Variants in HEMK2 observed in about 807,000 individuals in gnomAD.
HEMK2 encodes HemK methyltransferase 2, ETF1 glutamine and histone H4 lysine, also known as methyltransferase HEMK2.
At chr21:28,831,734 GGAAAGAAA>G in the HEMK2 span, among the ~76,000 whole-genome samples, 18 of 13,656 alleles carry the variant, frequency 1.3e-3, 1 homozygote, top group African/African-American at 5.0e-3. Context: ...AAGGAAGGAA[GGAAAGAAA>G]GAAAGAAAGA....
chr21:28,665,371 CTTTTT>C, the HEMK2 span, among the ~76,000 whole-genome samples: 3 of 15,914 alleles, frequency 1.9e-4, no homozygotes, highest in African/African-American at 7.0e-4. Flanking sequence ...TTTTAATTTT[CTTTTT>C]TTTTTTTTTA....
chr21:28,618,972 G>A, the HEMK2 span, among the ~76,000 whole-genome samples: 1 of 152,068 alleles, frequency 6.6e-6, no homozygotes, highest in Admixed American at 6.6e-5. Flanking sequence ...TTGGAGAGAG[G>A]GTCTTTACAA....
At chr21:28,877,520 AAAG>A in the HEMK2 span, among the ~76,000 whole-genome samples, 28 of 144,142 alleles carry the variant, frequency 1.9e-4, no homozygotes, top group African/African-American at 4.7e-4. Flanking sequence ...CAGAAGGAAA[AAAG>A]AAAAGAGAAG....
At chr21:28,613,492 G>A in the HEMK2 span, among the ~76,000 whole-genome samples, 1 of 151,964 alleles carries the variant, frequency 6.6e-6, no homozygotes, top group African/African-American at 2.4e-5. Context: ...CCACACTATA[G>A]ATGGGGAAAC....
the HEMK2 span, among the ~76,000 whole-genome samples, chr21:28,678,862 C>T: frequency 6.6e-6 from 1 of 152,146 alleles, no homozygotes; most frequent in African/African-American, 2.4e-5. Flanking sequence ...TTTGTTACCA[C>T]CAGGCCTGCC....
the HEMK2 span, chr21:28,671,054 G>C: frequency 6.6e-6 from 1 of 152,182 alleles, no homozygotes; most frequent in African/African-American, 2.4e-5. Context: ...TTGCACTCTG[G>C]GCTTTTGGGC....
the HEMK2 span, chr21:28,882,282 T>C: frequency 6.5e-7 from 1 of 1,535,852 alleles, no homozygotes; most frequent in South Asian, 1.1e-5. Context: ...AACTATATCC[T>C]ATGTCCATAA....
chr21:28,832,256 G>A, the HEMK2 span, among the ~76,000 whole-genome samples: 1 of 152,168 alleles, frequency 6.6e-6, no homozygotes, highest in Admixed American at 6.5e-5. Flanking sequence ...GTACAAAGAG[G>A]CACAGTCATG....
At chr21:28,795,999 G>A in the HEMK2 span, among the ~76,000 whole-genome samples, 1 of 152,158 alleles carries the variant, frequency 6.6e-6, no homozygotes, top group East Asian at 1.9e-4. Context: ...GTGTCCCAGG[G>A]GGCCTTGTGC....
chr21:28,788,184 A>G, the HEMK2 span, among the ~76,000 whole-genome samples: 13 of 149,818 alleles, frequency 8.7e-5, no homozygotes, highest in African/African-American at 2.2e-4. Flanking sequence ...ATATATACAC[A>G]TATATACGTA....
the HEMK2 span, among the ~76,000 whole-genome samples, chr21:28,746,386 A>C: frequency 0.27 from 41,610 of 152,082 alleles, 6,090 homozygotes; most frequent in East Asian, 0.53. Context: ...AATGACATAA[A>C]GCATAGACAT....
At chr21:28,660,176 A>G in the HEMK2 span, among the ~76,000 whole-genome samples, 1 of 151,922 alleles carries the variant, frequency 6.6e-6, no homozygotes, top group Non-Finnish European at 1.5e-5. Context: ...TAAACTCACA[A>G]ATCAATTCTC....
At chr21:28,785,414 C>G in the HEMK2 span, among the ~76,000 whole-genome samples, 1 of 152,164 alleles carries the variant, frequency 6.6e-6, no homozygotes, top group Admixed American at 6.5e-5. Flanking sequence ...TGTTCCTTAA[C>G]ACAGCATTTT....
At chr21:28,618,237 C>A in the HEMK2 span, among the ~76,000 whole-genome samples, 11 of 152,166 alleles carry the variant, frequency 7.2e-5, no homozygotes, top group Admixed American at 5.9e-4. Context: ...AATTTCAAAT[C>A]CCTCATAGCT....
chr21:28,746,970 T>C, the HEMK2 span, among the ~76,000 whole-genome samples: 1 of 152,188 alleles, frequency 6.6e-6, no homozygotes, highest in African/African-American at 2.4e-5. Flanking sequence ...GGCTGCTCCA[T>C]GGAGACAGGA....
At chr21:28,618,115 A>G in the HEMK2 span, among the ~76,000 whole-genome samples, 1 of 152,198 alleles carries the variant, frequency 6.6e-6, no homozygotes, top group South Asian at 2.1e-4. Context: ...TAAAAGAATA[A>G]CAAGACAAAC....
At chr21:28,632,081 T>C in the HEMK2 span, among the ~76,000 whole-genome samples, 35 of 152,224 alleles carry the variant, frequency 2.3e-4, no homozygotes, top group African/African-American at 8.4e-4. Context: ...AGTCAATATC[T>C]TACTGAAGTA....
At chr21:28,810,663 T>C in the HEMK2 span, among the ~76,000 whole-genome samples, 1 of 152,218 alleles carries the variant, frequency 6.6e-6, no homozygotes, top group African/African-American at 2.4e-5. Context: ...GGCAAGGATA[T>C]TGCTGAAAAC....
the HEMK2 span, among the ~76,000 whole-genome samples, chr21:28,725,782 T>A: frequency 6.6e-6 from 1 of 152,226 alleles, no homozygotes; most frequent in African/African-American, 2.4e-5. Flanking sequence ...ACTCATCTAT[T>A]CCCTAAAATA....
Sources: gnomAD v4.1 joint callset for allele counts (sites outside exome capture counted in the v4.1 genomes callset) on GRCh38, gnomAD v4.1.1 for gene constraint, MANE v1.5 for transcripts, NCBI Gene and HGNC (gene_info 2026-07-23, HGNC 2026-07-21) for gene names.